Variants in PTPRN2 observed in about 807,000 individuals in gnomAD.
PTPRN2 encodes receptor-type tyrosine-protein phosphatase N2.
PTPRN2 carries 74 observed loss-of-function variants against 118.8 expected under a neutral mutation model. The observed-to-expected ratio is 0.62, with a 90% CI of 0.52 to 0.76. The LOEUF (loss-of-function observed/expected upper bound fraction) is 0.76, where lower values mean the gene tolerates loss of function less well. PTPRN2 is among the 30% of genes least tolerant of loss of function. The pLI, the probability that PTPRN2 is intolerant of heterozygous loss-of-function variation, is 0.00. For synonymous variants in PTPRN2, 641 were observed against 608.0 expected (o/e 1.05, Z -0.80); for missense variants, 1,481 against 1,394.4 (o/e 1.06, Z -0.99).
At chr7:157,593,113 G>C (rs957257986) in intron 17 of PTPRN2, among the ~76,000 whole-genome samples, 2 of 150,236 alleles carry the variant, frequency 1.3e-5, no homozygotes, top group African/African-American at 4.9e-5. Context: ...ATGGAGGGTG[G>C]ATGTGGCACC....
chr7:158,196,149 C>T (rs981414275), intron 4 of PTPRN2, among the ~76,000 whole-genome samples: 10 of 152,326 alleles, frequency 6.6e-5, no homozygotes, highest in Admixed American at 4.6e-4. Context: ...ATACTGTTTG[C>T]TCTCATTTTT....
intron 12 of PTPRN2, among the ~76,000 whole-genome samples, chr7:157,687,570 G>C (rs2150823538): frequency 6.6e-6 from 1 of 152,280 alleles, no homozygotes; most frequent in Non-Finnish European, 1.5e-5. Context: ...ATCTTTGTGT[G>C]CATTTAAATT....
intron 12 of PTPRN2, among the ~76,000 whole-genome samples, chr7:157,707,272 CACAG>C (rs927593847): frequency 5.9e-5 from 9 of 151,954 alleles, no homozygotes; most frequent in African/African-American, 2.2e-4. Context: ...CACACATACA[CACAG>C]ACACATACCC....
chr7:157,809,626 C>A (rs955047037), intron 12 of PTPRN2, among the ~76,000 whole-genome samples: 4 of 152,166 alleles, frequency 2.6e-5, no homozygotes, highest in Non-Finnish European at 4.4e-5. Context: ...AGAGACAGCA[C>A]AGACACGCCC....
rs572480592 is a variant in PTPRN2, at chr7:157,974,173, G to A, written c.1724-75436C>T. On this transcript the variant is annotated intron_variant, in intron 11 of 22. Transcript: ENST00000389418. The surrounding 1 kb of genome is among the most constrained non-coding windows in gnomAD (Gnocchi z 4.0). Reference sequence around the variant, plus strand: ...GCGCCGGCCCTGCGGATCCGGCGATGATCATTGTGGAAAGAATGGACAGCA... The same window carrying A: ...GCGCCGGCCCTGCGGATCCGGCGATAATCATTGTGGAAAGAATGGACAGCA... Among the ~76,000 whole-genome samples, 1 of 152,354 alleles carries A rather than the reference G, an allele frequency of 6.6e-6. No individual in the cohort carries two copies. The highest frequency in any genetic ancestry group is 2.4e-5 in the African/African-American group (1 of 41,578).
At chr7:157,644,455 T>G (rs1021565718) in intron 14 of PTPRN2, among the ~76,000 whole-genome samples, 2 of 152,270 alleles carry the variant, frequency 1.3e-5, no homozygotes, top group South Asian at 2.1e-4. Context: ...AGACCTCACA[T>G]AGCCAGCATA....
chr7:158,192,429 G>A lies in PTPRN2; in HGVS notation c.447C>T (p.Asn149=), dbSNP rs769707155. 78 of 1,548,132 alleles carry A rather than the reference G, an allele frequency of 5.0e-5. No individual in the cohort carries two copies. Among genetic ancestry groups the A allele is most frequent in the Admixed American group, 2.5e-4 (11 of 43,548 alleles). ...YSREGGAALA[N]ALRRHLPFLE... ...GGAAGGGCAGGTGGCGTCGGAGGGC[G>A]TTGGCCAGGGCAGCACCGCCCTCCC... Residue 149 remains asparagine, a synonymous_variant, in exon 5 of 23, where the codon AAC becomes AAT. Coordinates refer to ENST00000389418, the MANE Select transcript of PTPRN2 (RefSeq NM_002847.5).
At chr7:158,263,174 A>G (rs1427405977) in intron 3 of PTPRN2, among the ~76,000 whole-genome samples, 3 of 151,372 alleles carry the variant, frequency 2.0e-5, no homozygotes, top group Admixed American at 6.6e-5. Context: ...ATTCACACAC[A>G]CTGCACACAC....
intron 10 of PTPRN2, among the ~76,000 whole-genome samples, chr7:158,085,171 C>A (rs62649315): frequency 0.7 from 68,555 of 98,084 alleles, 27,132 homozygotes; most frequent in East Asian, 0.91. Context: ...CATCCAGATA[C>A]CCATCCACAC....
chr7:158,013,644 T>G (rs536718880), intron 11 of PTPRN2, among the ~76,000 whole-genome samples: 1 of 151,874 alleles, frequency 6.6e-6, no homozygotes. Flanking sequence ...CCATCTATCA[T>G]CCATCATTCA....
chr7:157,569,044 A>G (rs993983313), intron 20 of PTPRN2, 78 bp from the exon 21 acceptor site: 1 of 1,316,718 alleles, frequency 7.6e-7, no homozygotes, highest in African/African-American at 1.4e-5. Flanking sequence ...GTGACAGTTC[A>G]TTTCCTTCCT....
rs1021426619 is a variant in PTPRN2 at position 157,893,972 on chromosome 7, A to G, written c.1788+4701T>C. ...CTGGGTTCTGCCTTCAGAGGAAACAATGGGCCTTATTCCTCGATACACCTC... is the reference window on the plus strand; with the variant it reads ...CTGGGTTCTGCCTTCAGAGGAAACAGTGGGCCTTATTCCTCGATACACCTC... On this transcript the variant is annotated intron_variant, in intron 12 of 22. Transcript: ENST00000389418. This position sits in a 1 kb window ranked among gnomAD's most constrained non-coding sequence, Gnocchi z 4.0. Among the ~76,000 whole-genome samples, 2 of 152,182 alleles carry G rather than the reference A, an allele frequency of 1.3e-5. No individual in the cohort carries two copies. Among genetic ancestry groups the G allele is most frequent in the Non-Finnish European group, 2.9e-5 (2 of 68,034 alleles).
chr7:157,870,739 G>A (rs1408004152), intron 12 of PTPRN2, among the ~76,000 whole-genome samples: 1 of 152,202 alleles, frequency 6.6e-6, no homozygotes, highest in Admixed American at 6.5e-5. Context: ...TGAACTCAGA[G>A]TAATGCCTGT....
At chr7:158,263,961 CCAACTT>C (rs1196226202) in intron 3 of PTPRN2, among the ~76,000 whole-genome samples, 28 of 152,352 alleles carry the variant, frequency 1.8e-4, no homozygotes, top group African/African-American at 6.3e-4. Context: ...GGCCAGCTGA[CCAACTT>C]CATCTAGAGC....
intron 11 of PTPRN2, among the ~76,000 whole-genome samples, chr7:158,076,496 C>G (rs1215906303): frequency 6.6e-6 from 1 of 152,266 alleles, no homozygotes; most frequent in Non-Finnish European, 1.5e-5. Flanking sequence ...GCCAACCTGC[C>G]TGTGTCCACC....
At chr7:158,048,722 T>A (rs1170666729) in intron 11 of PTPRN2, among the ~76,000 whole-genome samples, 1 of 151,270 alleles carries the variant, frequency 6.6e-6, no homozygotes, top group African/African-American at 2.4e-5. Context: ...CACCATCATA[T>A]CACCACCATC....
intron 20 of PTPRN2, among the ~76,000 whole-genome samples, 187 bp downstream of exon 20, chr7:157,571,253 T>C (rs1484917843): frequency 7.3e-6 from 1 of 137,354 alleles, no homozygotes; most frequent in African/African-American, 2.7e-5. Flanking sequence ...ACAGACATAA[T>C]ACAAGCAACG....
At chr7:158,153,980 G>A (rs1478634532) in intron 6 of PTPRN2, among the ~76,000 whole-genome samples, 2 of 152,100 alleles carry the variant, frequency 1.3e-5, no homozygotes, top group Non-Finnish European at 2.9e-5. Flanking sequence ...ATGGATAGTG[G>A]CCCCACAGCC....
chr7:158,341,785 C>T (rs1483914372), intron 2 of PTPRN2, among the ~76,000 whole-genome samples: 38 of 141,102 alleles, frequency 2.7e-4, no homozygotes, highest in African/African-American at 9.7e-4. Flanking sequence ...CTGCAGACGT[C>T]ACTCACACCC....
Sources: gnomAD v4.1 joint callset for allele counts (sites outside exome capture counted in the v4.1 genomes callset) on GRCh38, gnomAD v4.1.1 for gene constraint, Gnocchi (gnomAD v3.1) non-coding constraint, MANE v1.5 for transcripts, NCBI Gene and HGNC (gene_info 2026-07-23, HGNC 2026-07-21) for gene names.